SNTG1: variants seen among roughly 807,000 people sequenced by gnomAD.
SNTG1 encodes syntrophin gamma 1.
Under a neutral mutation model 74.7 loss-of-function variants are expected in SNTG1, and 39 were observed. The observed-to-expected ratio is 0.52, with a 90% CI of 0.40 to 0.68. The LOEUF (loss-of-function observed/expected upper bound fraction) is 0.68. Among genes scored for constraint, SNTG1 ranks in the 30% least tolerant of loss-of-function variants. The pLI, the probability that SNTG1 is intolerant of heterozygous loss-of-function variation, is 0.00. For missense variants in SNTG1, 685 were observed against 609.5 expected (o/e 1.12, Z -1.30); for synonymous variants, 254 against 217.1 (o/e 1.17, Z -1.49).
At chr8:49,980,841 G>C (rs147011402) in intron 1 of SNTG1, among the ~76,000 whole-genome samples, 1 of 151,982 alleles carries the variant, frequency 6.6e-6, no homozygotes, top group South Asian at 2.1e-4. Flanking sequence ...CTTTTATTAG[G>C]GGTTCATTCA....
At chr8:50,548,895 A>G (rs1405484735) in intron 11 of SNTG1, among the ~76,000 whole-genome samples, 1 of 152,212 alleles carries the variant, frequency 6.6e-6, no homozygotes, top group Non-Finnish European at 1.5e-5. Context: ...TCTTCAAAAT[A>G]CAGCCTGAGG....
At chr8:49,954,874 T>A (rs1810023158) in intron 1 of SNTG1, among the ~76,000 whole-genome samples, 1 of 152,212 alleles carries the variant, frequency 6.6e-6, no homozygotes, top group South Asian at 2.1e-4. Context: ...ACTACAACAA[T>A]TTTTAATTAT....
At chr8:50,466,925 G>T (rs1350320260) in intron 8 of SNTG1, among the ~76,000 whole-genome samples, 2 of 151,904 alleles carry the variant, frequency 1.3e-5, no homozygotes, top group Non-Finnish European at 2.9e-5. Context: ...GAGGTGTCGT[G>T]TTTTGTTTTG....
intron 1 of SNTG1, among the ~76,000 whole-genome samples, chr8:50,108,510 G>A (rs1247480331): frequency 6.6e-6 from 1 of 152,016 alleles, no homozygotes; most frequent in Non-Finnish European, 1.5e-5. Flanking sequence ...ATGCTATAAA[G>A]ATGATACTGT....
At chr8:50,067,098 A>T (rs953839670) in intron 1 of SNTG1, among the ~76,000 whole-genome samples, 3 of 152,188 alleles carry the variant, frequency 2.0e-5, no homozygotes, top group African/African-American at 7.2e-5. Context: ...ATTTGTCTTA[A>T]ATGTGCCTTC....
intron 13 of SNTG1, among the ~76,000 whole-genome samples, chr8:50,628,708 C>G (rs1056199883): frequency 6.6e-6 from 1 of 152,010 alleles, no homozygotes; most frequent in Non-Finnish European, 1.5e-5. Flanking sequence ...TTTTGCTTTA[C>G]TCTCTTACTT....
intron 9 of SNTG1, among the ~76,000 whole-genome samples, chr8:50,522,874 G>A (rs1196737945): frequency 6.6e-6 from 1 of 152,102 alleles, no homozygotes; most frequent in Admixed American, 6.6e-5. Context: ...ACTGTACCTG[G>A]CTTGACTTCC....
chr8:50,660,837 G>C (rs1250232109), intron 15 of SNTG1, among the ~76,000 whole-genome samples: 1 of 151,970 alleles, frequency 6.6e-6, no homozygotes, highest in African/African-American at 2.4e-5. Flanking sequence ...CTATCTCTTT[G>C]TTACAATTTT....
intron 1 of SNTG1, among the ~76,000 whole-genome samples, chr8:50,065,955 G>A (rs1219590307): frequency 1.3e-5 from 2 of 151,916 alleles, no homozygotes; most frequent in African/African-American, 2.4e-5. Flanking sequence ...TGTGGCTCAC[G>A]CCTGTAATCC....
At chr8:50,085,356 C>T (rs903467384) in intron 1 of SNTG1, among the ~76,000 whole-genome samples, 2 of 152,126 alleles carry the variant, frequency 1.3e-5, no homozygotes, top group Non-Finnish European at 1.5e-5. Flanking sequence ...TCTTCTCTTC[C>T]TTCTATACTA....
At chr8:50,770,053 A>G (rs749775974) in intron 18 of SNTG1, among the ~76,000 whole-genome samples, 16 of 152,150 alleles carry the variant, frequency 1.1e-4, no homozygotes, top group Non-Finnish European at 1.3e-4. Flanking sequence ...CATAAAATAG[A>G]TGAAGAGAGT....
chr8:50,471,226 G>A (rs1182124994), intron 8 of SNTG1, among the ~76,000 whole-genome samples: 1 of 138,818 alleles, frequency 7.2e-6, no homozygotes, highest in African/African-American at 2.7e-5. Context: ...CCCAAGCAAG[G>A]TGTTTAAAAA....
chr8:50,726,096 A>C (rs568468668), intron 17 of SNTG1, among the ~76,000 whole-genome samples: 3 of 152,300 alleles, frequency 2.0e-5, no homozygotes, highest in South Asian at 4.1e-4. Context: ...GTGTGTGTAC[A>C]AATATAATTT....
At chr8:50,317,229 C>G (rs2090349988) in intron 2 of SNTG1, among the ~76,000 whole-genome samples, 2 of 152,142 alleles carry the variant, frequency 1.3e-5, no homozygotes, top group Non-Finnish European at 2.9e-5. Context: ...TTAGCAAAAA[C>G]TTGTATCCTT....
chr8:50,414,534 C>T (rs960594357), intron 4 of SNTG1, among the ~76,000 whole-genome samples: 4 of 152,062 alleles, frequency 2.6e-5, no homozygotes, highest in East Asian at 1.9e-4. Flanking sequence ...GGTCTCTGCT[C>T]GTACAGACTT....
chr8:50,769,709 CCATAGGTATCAAGATATTGGCTGA>C (rs1451464777), intron 18 of SNTG1, among the ~76,000 whole-genome samples: 1 of 151,826 alleles, frequency 6.6e-6, no homozygotes, highest in East Asian at 1.9e-4. Context: ...ACATTTATGG[CCATAGGTATCAAGATATTGGCTGA>C]CATATTAATA....
At chr8:50,203,629 A>G (rs2084077501) in intron 2 of SNTG1, among the ~76,000 whole-genome samples, 1 of 152,064 alleles carries the variant, frequency 6.6e-6, no homozygotes. Context: ...TGAAACATAT[A>G]CCTTTTATTT....
At chr8:50,358,291 A>G (rs1378992752) in intron 2 of SNTG1, among the ~76,000 whole-genome samples, 2 of 151,902 alleles carry the variant, frequency 1.3e-5, no homozygotes, top group East Asian at 3.8e-4. Context: ...GAACGCTCAC[A>G]CTCCTACATC....
intron 9 of SNTG1, among the ~76,000 whole-genome samples, chr8:50,513,660 C>T (rs1327334532): frequency 6.6e-6 from 1 of 152,230 alleles, no homozygotes; most frequent in East Asian, 1.9e-4. Context: ...GGTTTGATCT[C>T]AGACAGCTGT....
Sources: allele counts gnomAD v4.1 joint callset (sites outside exome capture counted in the v4.1 genomes callset), GRCh38; gene constraint gnomAD v4.1.1; transcripts MANE v1.5; gene names NCBI Gene and HGNC (gene_info 2026-07-23, HGNC 2026-07-21).